Variants in TMPRSS7 observed in about 807,000 individuals in gnomAD.
TMPRSS7 encodes the protein transmembrane serine protease 7.
TMPRSS7 carries 81 observed loss-of-function variants against 95.6 expected under a neutral mutation model. That is an observed-to-expected ratio of 0.85 (90% CI 0.71 to 1.02). TMPRSS7 has a LOEUF of 1.02. TMPRSS7 is among the 50% of genes least tolerant of loss of function. TMPRSS7 has a pLI of 0.00. For synonymous variants in TMPRSS7, 364 were observed against 337.8 expected, an observed-to-expected ratio of 1.08 and a Z score of -0.85; for missense variants, 945 against 955.2, an observed-to-expected ratio of 0.99 and a Z score of 0.14.
rs2073326350 is a variant in TMPRSS7, at chr3:112,050,032, ATTC to A, written c.1090+61_1090+63del. 6 of 1,457,314 alleles carry A rather than the reference ATTC, an allele frequency of 4.1e-6. No individual in the cohort carries two copies. The South Asian group carries it at 9.1e-5, about 22-fold the overall frequency. 90.3% of individuals were successfully genotyped at this position (1,457,314 alleles called of 1,614,324 possible). On this transcript the variant is annotated intron_variant, in intron 8 of 17. Transcript: ENST00000452346. ...TTAGAAATATTTGTAATGATAGGCT[ATTC>A]TTATCTTTCTGGAAGCTGTGTTGTA...
chr3:112,051,051 G>A (rs1199661867), intron 9 of TMPRSS7, among the ~76,000 whole-genome samples: 1 of 151,980 alleles, frequency 6.6e-6, no homozygotes, highest in Non-Finnish European at 1.5e-5. Context: ...TTCAATTATT[G>A]TATTATGATA....
chr3:112,054,100 G>A (rs557035102), intron 9 of TMPRSS7, among the ~76,000 whole-genome samples: 1 of 152,326 alleles, frequency 6.6e-6, no homozygotes, highest in African/African-American at 2.4e-5. Context: ...CCCTGCTTCT[G>A]TGAAGGAAAT....
chr3:112,068,582 A>G (rs2073604840), intron 13 of TMPRSS7, among the ~76,000 whole-genome samples: 1 of 152,076 alleles, frequency 6.6e-6, no homozygotes, highest in Non-Finnish European at 1.5e-5. Flanking sequence ...TTCTCTTTGT[A>G]GCAATTGTGA....
intron 9 of TMPRSS7, among the ~76,000 whole-genome samples, chr3:112,053,227 C>T (rs1481490148): frequency 2.0e-5 from 3 of 150,874 alleles, no homozygotes; most frequent in East Asian, 1.9e-4. Flanking sequence ...AATATTGACT[C>T]GTTATGACAA....
In TMPRSS7 at chr3:112,048,099, G is replaced by A. The variant is rs572837794; in HGVS notation, c.959+132G>A. On this transcript the variant is annotated intron_variant, in intron 7 of 17. Coordinates refer to ENST00000452346, the Ensembl canonical transcript of TMPRSS7. The stretch of plus-strand genomic sequence containing the variant: ...CACACATGAGGTCAATGGCTGACCC[G>A]TGCCCTATTTAGTATCCCCTATACT... 4.6e-4 allele frequency: 338 copies of A among 742,210 alleles called. 1 individual carries two copies. The highest frequency in any genetic ancestry group is 3.8e-3 in the Middle Eastern group (10 of 2,624). 46.0% of individuals were successfully genotyped at this position (742,210 alleles called of 1,614,324 possible). A position where few individuals can be genotyped will look rare whatever the true frequency, so the allele number is the denominator to read the frequency against.
chr3:112,057,357 G>A (rs1350551413), intron 10 of TMPRSS7, among the ~76,000 whole-genome samples: 1 of 152,190 alleles, frequency 6.6e-6, no homozygotes, highest in Non-Finnish European at 1.5e-5. Context: ...CTGCTGCTGG[G>A]CTACAGATAT....
intron 13 of TMPRSS7, among the ~76,000 whole-genome samples, chr3:112,070,396 G>A (rs1235162399): frequency 6.6e-6 from 1 of 152,200 alleles, no homozygotes; most frequent in Non-Finnish European, 1.5e-5. Flanking sequence ...TTAACCTTCT[G>A]TCTTGTTGAT....
chr3:112,075,642 A>AT (rs57907161), intron 15 of TMPRSS7, 150 bp downstream of exon 15: 629 of 607,138 alleles, frequency 1.0e-3, no homozygotes, highest in Non-Finnish European at 1.3e-3. Flanking sequence ...TGTGACAAAC[A>AT]TTTTTTTTTA....
chr3:112,074,785 C>T (rs6806972), intron 14 of TMPRSS7, among the ~76,000 whole-genome samples: 4,564 of 152,232 alleles, frequency 0.03, 192 homozygotes, highest in African/African-American at 0.088. Flanking sequence ...TTCTTTAGGC[C>T]TGACTCAATA....
In TMPRSS7 at chr3:112,078,771, G is replaced by T. The variant is rs377591308; in HGVS notation, c.2254G>T (p.Ala752Ser). The change falls in exon 17 of 18, where the codon GCG becomes TCG. Residue 752 changes from alanine to serine, a missense_variant. Transcript: ENST00000452346. ...TAAAGGCTCCCTCGTTCTGCAGCAA[G>T]CGGAGGTAGAGCTCATTGATCAAAC... 22 of 1,614,086 alleles carry T rather than the reference G, an allele frequency of 1.4e-5. No individual in the cohort carries two copies. The African/African-American group carries it at 2.7e-4, about 20-fold the overall frequency.
intron 9 of TMPRSS7, among the ~76,000 whole-genome samples, chr3:112,051,661 TATCTATC>T (rs1267695361): frequency 9.4e-5 from 10 of 106,868 alleles, no homozygotes; most frequent in African/African-American, 2.8e-4. Context: ...TCTATCTATC[TATCTATC>T]ATCTATCTAT....
intron 10 of TMPRSS7, among the ~76,000 whole-genome samples, chr3:112,058,649 G>A (rs1348050872): frequency 6.6e-6 from 1 of 152,172 alleles, no homozygotes; most frequent in African/African-American, 2.4e-5. Flanking sequence ...AATTAAAATA[G>A]AGATTTGTAA....
At chr3:112,061,903 G>A (rs765799417) in exon 11 of TMPRSS7, 2 of 1,610,292 alleles carry the variant, frequency 1.2e-6, no homozygotes, top group Non-Finnish European at 1.7e-6. Context: ...GCAGAATATG[G>A]CAGTTACAAC....
Position 112,050,898 on chromosome 3 carries a change from T to C in TMPRSS7, c.1203+115T>C, listed in dbSNP as rs1254197012. On this transcript the variant is annotated intron_variant, in intron 9 of 17. Transcript: ENST00000452346. ...ATTGCTTAATTTTATAAAATTTCAG[T>C]ATTATTGAAATATATTATTTAGAAT... 2.5e-5 allele frequency: 14 copies of C among 555,482 alleles called. 1 individual carries two copies. Among genetic ancestry groups the C allele is most frequent in the Admixed American group, 3.6e-5 (1 of 28,068 alleles). 34.4% of individuals were successfully genotyped at this position (555,482 alleles called of 1,614,324 possible).
At chr3:112,077,253 AC>A in intron 16 of TMPRSS7, 109 bp downstream of exon 16, 1 of 1,222,116 alleles carries the variant, frequency 8.2e-7, no homozygotes, top group Non-Finnish European at 1.1e-6. Context: ...TCTCCTTTGA[AC>A]CTCCTGACAA....
At chr3:112,047,651 C>A (rs889704322) in intron 6 of TMPRSS7, 88 bp from the exon 7 acceptor site, 2 of 1,025,156 alleles carry the variant, frequency 2.0e-6, no homozygotes, top group Non-Finnish European at 2.8e-6. Flanking sequence ...ACCTCTTTTG[C>A]CCTTTACTTT....
intron 13 of TMPRSS7, among the ~76,000 whole-genome samples, chr3:112,067,404 C>T (rs969934128): frequency 3.9e-5 from 6 of 152,216 alleles, no homozygotes; most frequent in Admixed American, 1.3e-4. Flanking sequence ...GGAATTGCCA[C>T]ACTGTCTTCC....
chr3:112,060,197 A>G (rs1333107796), intron 10 of TMPRSS7, among the ~76,000 whole-genome samples: 1 of 152,192 alleles, frequency 6.6e-6, no homozygotes, highest in African/African-American at 2.4e-5. Flanking sequence ...AGGTAATAGA[A>G]TATCACAAGG....
chr3:112,046,821 C>G, intron 5 of TMPRSS7, 153 bp from the exon 6 acceptor site: 1 of 615,112 alleles, frequency 1.6e-6, no homozygotes, highest in Non-Finnish European at 2.9e-6. Context: ...AATACCTGAA[C>G]AACTACCTCA....
Sources: allele counts gnomAD v4.1 joint callset (sites outside exome capture counted in the v4.1 genomes callset), GRCh38; gene constraint gnomAD v4.1.1; transcripts MANE v1.5; gene names NCBI Gene and HGNC (gene_info 2026-07-23, HGNC 2026-07-21).